The following EEF1AKMT1 variants were observed in gnomAD, a reference collection of about 807,000 sequenced individuals.
EEF1AKMT1 encodes the protein N-6 adenine-specific DNA methyltransferase 2 (putative).
A neutral mutation model predicts 21.0 loss-of-function variants in EEF1AKMT1; 18 were observed. The ratio of observed to expected loss-of-function variants is 0.86; its 90% CI spans 0.59 to 1.27. The LOEUF (loss-of-function observed/expected upper bound fraction) is 1.27. EEF1AKMT1 is among the 50% of genes most tolerant of loss of function. EEF1AKMT1 has a pLI of 0.00. For synonymous variants in EEF1AKMT1, 109 were observed against 94.8 expected (o/e 1.15, Z -0.87); for missense variants, 246 against 258.6 (o/e 0.95, Z 0.33).
intron 2 of EEF1AKMT1, among the ~76,000 whole-genome samples, chr13:20,746,196 A>C (rs2141422862): frequency 6.6e-6 from 1 of 151,976 alleles, no homozygotes; most frequent in South Asian, 2.1e-4. Context: ...CTTGTCACCC[A>C]GGCTGGAGTG....
chr13:20,769,884 T>C (rs541205350), intron 1 of EEF1AKMT1, among the ~76,000 whole-genome samples: 1 of 151,906 alleles, frequency 6.6e-6, no homozygotes, highest in Non-Finnish European at 1.5e-5. Flanking sequence ...TTAAAGATTC[T>C]CAGATAACTA....
intron 1 of EEF1AKMT1, among the ~76,000 whole-genome samples, chr13:20,758,872 G>A (rs1228925609): frequency 6.6e-6 from 1 of 152,020 alleles, no homozygotes; most frequent in African/African-American, 2.4e-5. Flanking sequence ...AGCCACACAC[G>A]TACAATCAAC....
chr13:20,759,646 A>AT (rs1366750421), intron 1 of EEF1AKMT1, among the ~76,000 whole-genome samples: 2 of 151,650 alleles, frequency 1.3e-5, no homozygotes, highest in Non-Finnish European at 2.9e-5. Flanking sequence ...AACAAGAAAA[A>AT]AAAGGAATTG....
chr13:20,740,099 G>T (rs1055121469), intron 2 of EEF1AKMT1, among the ~76,000 whole-genome samples: 2 of 152,244 alleles, frequency 1.3e-5, no homozygotes, highest in Admixed American at 1.3e-4. Flanking sequence ...GAGGGCCGGC[G>T]AGAATTCAAG....
At chr13:20,756,914 G>A (rs748740077) in intron 2 of EEF1AKMT1, among the ~76,000 whole-genome samples, 1 of 152,074 alleles carries the variant, frequency 6.6e-6, no homozygotes, top group Non-Finnish European at 1.5e-5. Context: ...CCAACCACAT[G>A]GGGTAACCAT....
intron 3 of EEF1AKMT1, among the ~76,000 whole-genome samples, chr13:20,734,880 C>CA (rs1313924957): frequency 1.3e-5 from 2 of 151,778 alleles, no homozygotes; most frequent in Admixed American, 6.6e-5. Context: ...TACATATAAT[C>CA]AAAAAAAGAA....
intron 2 of EEF1AKMT1, among the ~76,000 whole-genome samples, chr13:20,739,094 G>A (rs981151422): frequency 2.0e-5 from 3 of 152,126 alleles, no homozygotes; most frequent in Admixed American, 6.6e-5. Context: ...CAGGAGTGAA[G>A]CTGCAGACCT....
chr13:20,758,633 C>T (rs1227564343), intron 1 of EEF1AKMT1, among the ~76,000 whole-genome samples: 1 of 152,032 alleles, frequency 6.6e-6, no homozygotes, highest in African/African-American at 2.4e-5. Flanking sequence ...CAATTCCTAA[C>T]AAATTACAAA....
chr13:20,742,706 A>G (rs9579940), intron 2 of EEF1AKMT1, among the ~76,000 whole-genome samples: 14,173 of 152,220 alleles, frequency 0.093, 807 homozygotes, highest in Non-Finnish European at 0.13. Context: ...ACGCAAGCCA[A>G]ACTCACAGAA....
intron 2 of EEF1AKMT1, among the ~76,000 whole-genome samples, chr13:20,748,799 G>A (rs559557821): frequency 1.6e-5 from 2 of 128,166 alleles, no homozygotes; most frequent in Non-Finnish European, 3.1e-5. Flanking sequence ...GCATGATCTC[G>A]GCTCACTGCA....
chr13:20,732,251 G>T, intron 3 of EEF1AKMT1, 130 bp from the exon 4 acceptor site: 3 of 945,116 alleles, frequency 3.2e-6, no homozygotes, highest in Non-Finnish European at 4.7e-6. Context: ...ATGCAAACTA[G>T]TGTAATAGTT....
At chr13:20,752,889 A>G (rs1595023940) in intron 2 of EEF1AKMT1, among the ~76,000 whole-genome samples, 1 of 151,986 alleles carries the variant, frequency 6.6e-6, no homozygotes, top group East Asian at 1.9e-4. Context: ...GTTTTCAAAA[A>G]GCCAACTTTT....
chr13:20,732,193 A>G (rs1452556020), intron 3 of EEF1AKMT1, 72 bp from the exon 4 acceptor site: 1 of 1,481,002 alleles, frequency 6.8e-7, no homozygotes, highest in East Asian at 2.3e-5. Context: ...CTTCTTCACT[A>G]AACAATACAT....
At chr13:20,763,250 G>A (rs9552275) in intron 1 of EEF1AKMT1, among the ~76,000 whole-genome samples, 43,028 of 151,848 alleles carry the variant, frequency 0.28, 7,660 homozygotes, top group East Asian at 0.75. Context: ...TTTTTTCAGT[G>A]AAATCATGTG....
intron 3 of EEF1AKMT1, among the ~76,000 whole-genome samples, chr13:20,735,319 A>T (rs1374551412): frequency 2.1e-5 from 1 of 48,458 alleles, no homozygotes; most frequent in Non-Finnish European, 4.6e-5. Context: ...GCTATATCCC[A>T]AAGCCTGCCC....
At chr13:20,740,719 C>A (rs553954106) in intron 2 of EEF1AKMT1, among the ~76,000 whole-genome samples, 1 of 152,306 alleles carries the variant, frequency 6.6e-6, no homozygotes, top group African/African-American at 2.4e-5. Flanking sequence ...AGGAGAATCG[C>A]TTGAACCTGG....
chr13:20,746,040 G>A (rs2058902145), intron 2 of EEF1AKMT1, among the ~76,000 whole-genome samples: 1 of 152,016 alleles, frequency 6.6e-6, no homozygotes, highest in African/African-American at 2.4e-5. Context: ...CTGGATGTCT[G>A]CATGCTATTT....
chr13:20,759,271 A>G (rs1212857691), intron 1 of EEF1AKMT1, among the ~76,000 whole-genome samples: 1 of 152,244 alleles, frequency 6.6e-6, no homozygotes, highest in Non-Finnish European at 1.5e-5. Flanking sequence ...AAGGAGTAAT[A>G]TGCAGAATCT....
intron 2 of EEF1AKMT1, among the ~76,000 whole-genome samples, chr13:20,745,216 A>G (rs529000499): frequency 6.6e-6 from 1 of 152,320 alleles, no homozygotes; most frequent in South Asian, 2.1e-4. Context: ...TAATTCTGCA[A>G]AGAAAGTCAA....
Sources: allele counts gnomAD v4.1 joint callset (sites outside exome capture counted in the v4.1 genomes callset), GRCh38; gene constraint gnomAD v4.1.1; transcripts MANE v1.5; gene names NCBI Gene and HGNC (gene_info 2026-07-23, HGNC 2026-07-21).